Variants in FRAS1 observed in about 807,000 individuals in gnomAD.
The protein encoded by FRAS1 is Fraser extracellular matrix complex subunit 1.
In FRAS1, 290 loss-of-function variants were observed where a neutral mutation model predicts 435.2. The observed-to-expected ratio is 0.67, with a 90% CI of 0.61 to 0.73. The LOEUF (loss-of-function observed/expected upper bound fraction) is 0.73, where lower values mean the gene tolerates loss of function less well. Ranked by LOEUF, FRAS1 falls within the 30% of genes least tolerant of loss-of-function variation. The pLI, the probability that FRAS1 is intolerant of heterozygous loss-of-function variation, is 0.00. For synonymous variants in FRAS1, 1,800 were observed against 1,851.0 expected, an observed-to-expected ratio of 0.97 and a Z score of 0.71; for missense variants, 4,860 against 5,001.5, an observed-to-expected ratio of 0.97 and a Z score of 0.85.
intron 2 of FRAS1, among the ~76,000 whole-genome samples, chr4:78,194,582 C>A (rs1578178285): frequency 6.6e-6 from 1 of 152,206 alleles, no homozygotes; most frequent in African/African-American, 2.4e-5. Context: ...GAGGCTTGTG[C>A]ATTCATCACG....
chr4:78,511,831 C>T (rs76028191), intron 64 of FRAS1, among the ~76,000 whole-genome samples: 3,942 of 152,266 alleles, frequency 0.026, 99 homozygotes, highest in African/African-American at 0.055. Flanking sequence ...TTCCACTGGC[C>T]GGAACCCTAC....
In FRAS1 at chr4:78,544,241, G is replaced by A. The variant is rs544369543; in HGVS notation, c.*3117G>A. ...ATAGTATATGCCACTATATAAATTT[G>A]TATTAATAAATGACAGTCTTGTTGG... On this transcript the variant is annotated 3_prime_UTR_variant, in exon 74 of 74. Transcript: ENST00000512123. The A allele has an allele frequency of 1.3e-5, 2 of 152,680 alleles. No individual in the cohort carries two copies. The highest frequency in any genetic ancestry group is 2.1e-4 in the South Asian group (1 of 4,828). 9.5% of individuals were successfully genotyped at this position (152,680 alleles called of 1,614,324 possible). A position where few individuals can be genotyped will look rare whatever the true frequency, so the allele number is the denominator to read the frequency against.
intron 58 of FRAS1, among the ~76,000 whole-genome samples, chr4:78,484,704 A>T (rs1314978002): frequency 6.6e-6 from 1 of 152,204 alleles, no homozygotes; most frequent in African/African-American, 2.4e-5. Context: ...TTTACAAAGC[A>T]ATCCATTAAG....
At chr4:78,140,693 ATG>A (rs1720133400) in intron 2 of FRAS1, among the ~76,000 whole-genome samples, 1 of 144,824 alleles carries the variant, frequency 6.9e-6, no homozygotes, top group Admixed American at 6.9e-5. Context: ...GCATATACAT[ATG>A]TGTATATGCA....
intron 2 of FRAS1, among the ~76,000 whole-genome samples, chr4:78,231,553 G>GAA (rs1724519215): frequency 6.6e-6 from 1 of 151,874 alleles, no homozygotes; most frequent in Non-Finnish European, 1.5e-5. Context: ...TTTGGTCTAA[G>GAA]AAGCCAAGGG....
chr4:78,105,525 G>A (rs1389863507), intron 2 of FRAS1, among the ~76,000 whole-genome samples: 2 of 152,110 alleles, frequency 1.3e-5, no homozygotes, highest in African/African-American at 2.4e-5. Context: ...ATAACAGGAG[G>A]GAGACTCCTT....
chr4:78,255,134 C>T, intron 5 of FRAS1, 108 bp from the exon 6 acceptor site: 1 of 1,019,290 alleles, frequency 9.8e-7, no homozygotes, highest in African/African-American at 1.6e-5. Context: ...GGACCTCCTT[C>T]TGTGCACTGG....
intron 30 of FRAS1, among the ~76,000 whole-genome samples, chr4:78,402,204 G>GA (rs1383598382): frequency 1.3e-5 from 2 of 151,988 alleles, no homozygotes; most frequent in Non-Finnish European, 2.9e-5. Flanking sequence ...ATGTGAAAAT[G>GA]AAAATTATAG....
At chr4:78,113,262 A>G (rs1742870861) in intron 2 of FRAS1, among the ~76,000 whole-genome samples, 1 of 152,160 alleles carries the variant, frequency 6.6e-6, no homozygotes, top group South Asian at 2.1e-4. Context: ...AGTCTTTGCT[A>G]TTGTGAATAG....
chr4:78,539,018 A>C (rs1721968622), intron 72 of FRAS1, among the ~76,000 whole-genome samples: 1 of 151,766 alleles, frequency 6.6e-6, no homozygotes, highest in Non-Finnish European at 1.5e-5. Context: ...AACATCATAG[A>C]GGTAACTGTC....
intron 2 of FRAS1, among the ~76,000 whole-genome samples, chr4:78,188,792 G>A (rs1343798501): frequency 6.6e-6 from 1 of 152,132 alleles, no homozygotes; most frequent in Admixed American, 6.5e-5. Context: ...CTAATGAAGG[G>A]TCACCAATAC....
intron 15 of FRAS1, among the ~76,000 whole-genome samples, chr4:78,314,047 C>G (rs1009569470): frequency 3.3e-5 from 5 of 152,132 alleles, no homozygotes; most frequent in Non-Finnish European, 7.4e-5. Context: ...TCTTTTTTCT[C>G]TCCCTTATCT....
intron 35 of FRAS1, among the ~76,000 whole-genome samples, chr4:78,427,647 G>T (rs1238669249): frequency 6.6e-6 from 1 of 152,150 alleles, no homozygotes; most frequent in Non-Finnish European, 1.5e-5. Flanking sequence ...ATGTAAAGAA[G>T]CAATGACAAT....
At chr4:78,089,284 TGGGGGGA>T (rs1446166259) in intron 2 of FRAS1, among the ~76,000 whole-genome samples, 1 of 26,306 alleles carries the variant, frequency 3.8e-5, no homozygotes. Context: ...TGTTGTGTGG[TGGGGGGA>T]GGGGGGAGGG....
Position 78,195,476 on chromosome 4 carries a change from C to T in FRAS1, c.109-42034C>T, listed in dbSNP as rs923110995. Among the ~76,000 whole-genome samples, 11 of 152,338 alleles carry T rather than the reference C, an allele frequency of 7.2e-5. No individual in the cohort carries two copies. In the South Asian group the frequency reaches 8.3e-4, roughly 11 times the overall value. ...CTACTCAAGCCTGGGCAATGGCGGG[C>T]GCCCCTCCTCCAGCCTCGCTGCCAC... On this transcript the variant is annotated intron_variant, in intron 2 of 73. Transcript: ENST00000512123.
At chr4:78,460,746 T>A (rs986544547) in intron 47 of FRAS1, among the ~76,000 whole-genome samples, 2 of 152,244 alleles carry the variant, frequency 1.3e-5, no homozygotes, top group Admixed American at 1.3e-4. Flanking sequence ...TAGACAATTG[T>A]AACATGATAG....
At chr4:78,522,882 G>T in intron 69 of FRAS1, 74 bp downstream of exon 69, 1 of 1,298,698 alleles carries the variant, frequency 7.7e-7, no homozygotes, top group Non-Finnish European at 1.0e-6. Context: ...TTGGGAAATA[G>T]TGCTTTCCTC....
intron 61 of FRAS1, among the ~76,000 whole-genome samples, chr4:78,505,955 C>T (rs939646115): frequency 6.6e-6 from 1 of 152,184 alleles, no homozygotes; most frequent in African/African-American, 2.4e-5. Flanking sequence ...CTATTCCTTT[C>T]TGTTTGTTAG....
intron 2 of FRAS1, among the ~76,000 whole-genome samples, chr4:78,129,928 C>G (rs141152620): frequency 6.6e-6 from 1 of 152,282 alleles, no homozygotes; most frequent in South Asian, 2.1e-4. Context: ...CTTGTTGTTG[C>G]TGCCCCTGGC....
Sources: allele counts gnomAD v4.1 joint callset (sites outside exome capture counted in the v4.1 genomes callset), GRCh38; gene constraint gnomAD v4.1.1; transcripts MANE v1.5; gene names NCBI Gene and HGNC (gene_info 2026-07-23, HGNC 2026-07-21).